ADCY9: variants seen among roughly 807,000 people sequenced by gnomAD.
ADCY9 encodes the protein adenylate cyclase type 9.
A neutral mutation model predicts 101.5 loss-of-function variants in ADCY9; 50 were observed. The ratio of observed to expected loss-of-function variants is 0.49; its 90% CI spans 0.39 to 0.62. ADCY9 has a LOEUF of 0.62. Ranked by LOEUF, ADCY9 falls within the 20% of genes least tolerant of loss-of-function variation. The pLI, the probability that ADCY9 is intolerant of heterozygous loss-of-function variation, is 0.00. For synonymous variants in ADCY9, 905 were observed against 769.3 expected (o/e 1.18, Z -2.92); for missense variants, 1,662 against 1,800.4 (o/e 0.92, Z 1.39).
intron 2 of ADCY9, among the ~76,000 whole-genome samples, chr16:4,052,679 T>C (rs74920932): frequency 7.0e-4 from 107 of 152,330 alleles, no homozygotes; most frequent in African/African-American, 2.1e-3. Flanking sequence ...TCACTAGATA[T>C]CAACTAGCGT....
At chr16:3,969,913 C>A (rs958465845) in intron 10 of ADCY9, among the ~76,000 whole-genome samples, 1 of 151,848 alleles carries the variant, frequency 6.6e-6, no homozygotes, top group Admixed American at 6.6e-5. Flanking sequence ...AAAAATACTA[C>A]ATACTCATCA....
Position 4,115,209 on chromosome 16 carries a change from C to T in ADCY9, c.234G>A (p.Lys78=). Residue 78 remains lysine (K), a synonymous_variant, in exon 2 of 11, where the codon AAG becomes AAA. Coordinates refer to ENST00000294016, the MANE Select transcript of ADCY9 (RefSeq NM_001116.4). This position sits in a 1 kb window ranked among gnomAD's most constrained non-coding sequence, Gnocchi z 6.2. ...GGGGRLRRQK[K]LPQLFERASS... ...AGGCCCTCTCGAACAGCTGGGGCAGCTTCTTCTGCCTGCGCAGCCGGCCTC... is the reference window on the plus strand; with the variant it reads ...AGGCCCTCTCGAACAGCTGGGGCAGTTTCTTCTGCCTGCGCAGCCGGCCTC... 1 of 1,613,518 alleles carries T rather than the reference C, an allele frequency of 6.2e-7. No individual in the cohort carries two copies. Among genetic ancestry groups the T allele is most frequent in the South Asian group, 1.1e-5 (1 of 91,074 alleles).
intron 2 of ADCY9, among the ~76,000 whole-genome samples, chr16:4,043,952 T>A (rs910881838): frequency 1.3e-5 from 2 of 152,206 alleles, no homozygotes; most frequent in African/African-American, 4.8e-5. Context: ...TTTTTGTTGT[T>A]TTTTTATTTT....
At chr16:4,079,750 T>C (rs2056890250) in intron 2 of ADCY9, among the ~76,000 whole-genome samples, 1 of 152,138 alleles carries the variant, frequency 6.6e-6, no homozygotes, top group East Asian at 1.9e-4. Context: ...TATGCATTGA[T>C]ATATATTTGA....
chr16:4,054,646 C>A (rs2056724944), intron 2 of ADCY9, among the ~76,000 whole-genome samples: 1 of 151,898 alleles, frequency 6.6e-6, no homozygotes, highest in Non-Finnish European at 1.5e-5. Context: ...TCTCGGCTCA[C>A]TGCAAGCTAC....
intron 8 of ADCY9, 54 bp downstream of exon 8, chr16:3,979,057 AAAGAG>A: frequency 1.3e-6 from 2 of 1,599,088 alleles, no homozygotes; most frequent in Non-Finnish European, 1.7e-6. Flanking sequence ...GATTTAAAGA[AAAGAG>A]AGATTAGGGA....
chr16:4,076,936 G>T (rs185182279), intron 2 of ADCY9, among the ~76,000 whole-genome samples: 18 of 152,218 alleles, frequency 1.2e-4, no homozygotes, highest in African/African-American at 4.3e-4. Flanking sequence ...AATTAGCCGG[G>T]CATGGTGGCA....
chr16:4,074,487 G>C (rs1358666320), intron 2 of ADCY9, among the ~76,000 whole-genome samples: 1 of 150,130 alleles, frequency 6.7e-6, no homozygotes. Context: ...TTGAGGCCAG[G>C]AGTTCAAGAC....
At chr16:3,975,117 T>G (rs2056083273) in intron 9 of ADCY9, among the ~76,000 whole-genome samples, 1 of 152,062 alleles carries the variant, frequency 6.6e-6, no homozygotes, top group African/African-American at 2.4e-5. Flanking sequence ...CAGCTCCAGG[T>G]AGAAAAGCCC....
downstream of ADCY9, among the ~76,000 whole-genome samples, chr16:3,959,640 A>G (rs1294430874): frequency 3.9e-5 from 6 of 152,218 alleles, no homozygotes; most frequent in Non-Finnish European, 8.8e-5. Flanking sequence ...TTCAACTAAC[A>G]TATTTGTGTA....
At chr16:3,955,488 G>A (rs1266590671) in intron 5 of ADCY9, among the ~76,000 whole-genome samples, 1 of 152,202 alleles carries the variant, frequency 6.6e-6, no homozygotes, top group African/African-American at 2.4e-5. Flanking sequence ...CAGTCTCCAG[G>A]CATCAGGTTG....
At chr16:4,057,946 G>A (rs2056751088) in intron 2 of ADCY9, among the ~76,000 whole-genome samples, 2 of 152,060 alleles carry the variant, frequency 1.3e-5, no homozygotes, top group Non-Finnish European at 2.9e-5. Flanking sequence ...ATCGCTTCAG[G>A]TCAAGAGTTC....
intron 2 of ADCY9, among the ~76,000 whole-genome samples, chr16:4,017,864 A>C (rs1168015690): frequency 1.3e-5 from 2 of 152,198 alleles, no homozygotes; most frequent in Non-Finnish European, 2.9e-5. Flanking sequence ...CCAACCTAAA[A>C]ACGCCGGGCC....
intron 3 of ADCY9, among the ~76,000 whole-genome samples, chr16:3,997,190 C>A (rs1346236851): frequency 1.3e-5 from 2 of 152,190 alleles, no homozygotes; most frequent in Non-Finnish European, 2.9e-5. Flanking sequence ...TAAGACGAGG[C>A]CGCCTGCTTC....
chr16:3,995,978 T>C (rs867694410), intron 3 of ADCY9, among the ~76,000 whole-genome samples: 18 of 152,272 alleles, frequency 1.2e-4, no homozygotes, highest in Admixed American at 3.3e-4. Context: ...AAAACTGACA[T>C]TATCAACAGA....
At chr16:4,071,290 AC>A (rs1264435446) in intron 2 of ADCY9, among the ~76,000 whole-genome samples, 3 of 140,036 alleles carry the variant, frequency 2.1e-5, no homozygotes, top group African/African-American at 7.9e-5. Flanking sequence ...AGATGGTGCT[AC>A]TTGCACTCCA....
chr16:4,037,489 C>A (rs1396871335), intron 2 of ADCY9, among the ~76,000 whole-genome samples: 1 of 152,070 alleles, frequency 6.6e-6, no homozygotes, highest in African/African-American at 2.4e-5. Flanking sequence ...GATTCCATAC[C>A]TTTGCTATTG....
rs540394844 is a variant in ADCY9 at position 4,049,872 on chromosome 16, A to C, written c.1694-42314T>G. Reference sequence around the variant, plus strand: ...GTAAGACCGACCCTGTTTCTACAAAAAATACAAAAGTAGACGGGCATGATG... The same window carrying C: ...GTAAGACCGACCCTGTTTCTACAAACAATACAAAAGTAGACGGGCATGATG... On this transcript the variant is annotated intron_variant, in intron 2 of 10. Coordinates refer to ENST00000294016, the MANE Select transcript of ADCY9 (RefSeq NM_001116.4). 2.0e-5 allele frequency among the ~76,000 whole-genome samples: 3 copies of C among 152,304 alleles called. No homozygotes were observed. In the South Asian group the frequency reaches 6.2e-4, roughly 32 times the overall value.
intron 2 of ADCY9, among the ~76,000 whole-genome samples, chr16:4,047,814 C>G (rs923591657): frequency 5.3e-5 from 8 of 152,364 alleles, no homozygotes; most frequent in African/African-American, 1.7e-4. Flanking sequence ...CCGCCTCGGC[C>G]TCCCAAAGTG....
Sources: allele counts gnomAD v4.1 joint callset (sites outside exome capture counted in the v4.1 genomes callset), GRCh38; gene constraint gnomAD v4.1.1; non-coding constraint Gnocchi (gnomAD v3.1); transcripts MANE v1.5; gene names NCBI Gene and HGNC (gene_info 2026-07-23, HGNC 2026-07-21).